The following SCNN1B variants were observed in gnomAD, a reference collection of about 807,000 sequenced individuals.
SCNN1B encodes epithelial sodium channel subunit beta.
Under a neutral mutation model 65.3 loss-of-function variants are expected in SCNN1B, and 46 were observed. The ratio of observed to expected loss-of-function variants is 0.70; its 90% CI spans 0.56 to 0.90. The LOEUF (loss-of-function observed/expected upper bound fraction) is 0.90, where lower values mean the gene tolerates loss of function less well. SCNN1B is among the 40% of genes least tolerant of loss of function. The probability of loss-of-function intolerance (pLI) is 0.00; values close to 1 mark genes in which losing one functional copy is unlikely to be tolerated. For synonymous variants in SCNN1B, 349 were observed against 330.6 expected (o/e 1.06, Z -0.60); for missense variants, 751 against 830.5 (o/e 0.90, Z 1.18).
chr16:23,341,960 G>A (rs1962063181), intron 1 of SCNN1B, among the ~76,000 whole-genome samples: 1 of 152,140 alleles, frequency 6.6e-6, no homozygotes, highest in Non-Finnish European at 1.5e-5. Context: ...ATCAGACTCA[G>A]ATCAGGAGTT....
intron 2 of SCNN1B, among the ~76,000 whole-genome samples, chr16:23,350,435 AG>A (rs1962284252): frequency 6.6e-6 from 1 of 152,168 alleles, no homozygotes; most frequent in Non-Finnish European, 1.5e-5. Context: ...AGGGTTATGG[AG>A]AGACAGGGAG....
At chr16:23,364,543 C>T (rs191551207) in intron 4 of SCNN1B, among the ~76,000 whole-genome samples, 1 of 152,300 alleles carries the variant, frequency 6.6e-6, no homozygotes, top group African/African-American at 2.4e-5. Flanking sequence ...CGTGCTCTGA[C>T]TCACAAATTT....
intron 1 of SCNN1B, among the ~76,000 whole-genome samples, chr16:23,305,213 A>C (rs182264168): frequency 1.2e-4 from 18 of 152,172 alleles, no homozygotes; most frequent in African/African-American, 4.3e-4. Flanking sequence ...AAATGAAGTG[A>C]GCTGAGGTGC....
intron 8 of SCNN1B, 137 bp downstream of exon 8, chr16:23,375,992 T>A: frequency 1.5e-6 from 1 of 659,544 alleles, no homozygotes; most frequent in Non-Finnish European, 2.8e-6. Context: ...CAGTCTGAGG[T>A]CCCTCCTATG....
chr16:23,293,735 G>A (rs574849141), intron 2 of SCNN1B, among the ~76,000 whole-genome samples: 4 of 151,540 alleles, frequency 2.6e-5, no homozygotes, highest in South Asian at 4.2e-4. Flanking sequence ...GAAATCAGCC[G>A]GGGCAACATA....
At chr16:23,320,426 T>A (rs1961563611) in intron 1 of SCNN1B, among the ~76,000 whole-genome samples, 1 of 152,156 alleles carries the variant, frequency 6.6e-6, no homozygotes, top group South Asian at 2.1e-4. Context: ...GGCCCCGCAG[T>A]CCACACAAGG....
Position 23,357,300 on chromosome 16 carries a change from G to A in SCNN1B, c.776+1811G>A, listed in dbSNP as rs529986194. ...CTCTGTCCCCTCAAAATGCACAGGT[G>A]CAACCGGACATGTGGCTCACGCCTG... On this transcript the variant is annotated intron_variant, in intron 4 of 12. Coordinates refer to ENST00000343070, the MANE Select transcript of SCNN1B (RefSeq NM_000336.3). 6.8e-4 allele frequency among the ~76,000 whole-genome samples: 104 copies of A among 152,338 alleles called. 1 individual carries two copies. Among genetic ancestry groups the A allele is most frequent in the Middle Eastern group, 6.8e-3 (2 of 294 alleles).
At chr16:23,321,730 T>C (rs2141994728) in intron 1 of SCNN1B, among the ~76,000 whole-genome samples, 1 of 152,230 alleles carries the variant, frequency 6.6e-6, no homozygotes, top group East Asian at 1.9e-4. Context: ...ATCAGCGTAA[T>C]AATAGATATT....
chr16:23,379,833 G>A (rs1963000318), intron 11 of SCNN1B, among the ~76,000 whole-genome samples: 1 of 152,198 alleles, frequency 6.6e-6, no homozygotes, highest in Non-Finnish European at 1.5e-5. Flanking sequence ...GGCCGGGAAG[G>A]GCTGCACTTG....
chr16:23,332,208 T>C (rs1279417508), intron 1 of SCNN1B, among the ~76,000 whole-genome samples: 1 of 151,676 alleles, frequency 6.6e-6, no homozygotes, highest in Admixed American at 6.6e-5. Context: ...TTTTTTTTTC[T>C]TTTTTGAGAT....
chr16:23,300,167 A>G (rs1412319385), upstream of SCNN1B, among the ~76,000 whole-genome samples: 1 of 152,086 alleles, frequency 6.6e-6, no homozygotes, highest in African/African-American at 2.4e-5. Context: ...CAGGGAGGGG[A>G]GCATCACACA....
chr16:23,356,128 C>T (rs1421493102), intron 4 of SCNN1B, among the ~76,000 whole-genome samples: 1 of 152,100 alleles, frequency 6.6e-6, no homozygotes, highest in African/African-American at 2.4e-5. Context: ...TCATTCCCAA[C>T]AGGTTGATGA....
intron 1 of SCNN1B, among the ~76,000 whole-genome samples, chr16:23,331,007 T>A (rs945699142): frequency 1.3e-5 from 2 of 152,224 alleles, no homozygotes; most frequent in Admixed American, 6.5e-5. Flanking sequence ...CAGCGTTCTT[T>A]ATCACCAGCC....
At position 23,353,093 on chromosome 16, in the gene SCNN1B, C is replaced by T. The variant is rs777207745; in HGVS notation, c.585+19C>T. ...GAGACTAGTAAGTGGTCCCTGGGCACATATCAAGCAATGGGCCCCACCCAG... is the reference window on the plus strand; with the variant it reads ...GAGACTAGTAAGTGGTCCCTGGGCATATATCAAGCAATGGGCCCCACCCAG... On this transcript the variant is annotated intron_variant, in intron 3 of 12. Coordinates refer to ENST00000343070, the MANE Select transcript of SCNN1B (RefSeq NM_000336.3). The T allele has an allele frequency of 1.7e-5, 27 of 1,613,916 alleles. No homozygotes were observed. In the South Asian group the frequency reaches 2.6e-4, roughly 16 times the overall value.
At chr16:23,356,634 A>C (rs987026932) in intron 4 of SCNN1B, among the ~76,000 whole-genome samples, 7 of 152,264 alleles carry the variant, frequency 4.6e-5, no homozygotes, top group Admixed American at 2.0e-4. Flanking sequence ...TTAAAAAAAA[A>C]AAACAAAAAA....
intron 1 of SCNN1B, among the ~76,000 whole-genome samples, chr16:23,320,026 C>T (rs1190902830): frequency 1.3e-5 from 2 of 152,152 alleles, no homozygotes; most frequent in East Asian, 1.9e-4. Context: ...AGATTACAGG[C>T]GTGAGCCACC....
intron 2 of SCNN1B, among the ~76,000 whole-genome samples, chr16:23,294,291 G>A (rs1277934158): frequency 6.6e-6 from 1 of 152,180 alleles, no homozygotes; most frequent in East Asian, 1.9e-4. Context: ...CAGCTACTCA[G>A]GAGGCTGAGA....
rs770635298 is a variant in SCNN1B at position 23,377,216 on chromosome 16, T to C, written c.1322T>C (p.Ile441Thr). The C allele has an allele frequency of 3.6e-5, 58 of 1,614,094 alleles. No individual in the cohort carries two copies. Among genetic ancestry groups the C allele is most frequent in the Non-Finnish European group, 4.6e-5 (54 of 1,180,046 alleles). ...AGCGTGGCGCAGAGAGAGACCTGCA[T>C]TGGCATGTGCAAGGAGTCCTGCAAG... ...QMSVAQRETC[I>T]GMCKESCNDT... Residue 441 changes from isoleucine (I) to threonine (T), a missense_variant, in exon 9 of 13, where the codon ATT becomes ACT. Physicochemically the swap from Ile to Thr is moderately conservative, Grantham distance 89 (BLOSUM62 -1). Transcript: ENST00000343070.
chr16:23,348,578 A>G lies in SCNN1B; in HGVS notation c.-8-14A>G, dbSNP rs182538845. ...GGTGTCCCAGCTGATGTGCGTCCCC[A>G]TGCCTCTCTGCAGGTGCCACTATGC... On this transcript the variant is annotated splice_polypyrimidine_tract_variant and intron_variant, in intron 1 of 12. Transcript: ENST00000343070. This position sits in a 1 kb window ranked among gnomAD's most constrained non-coding sequence, Gnocchi z 4.5. The G allele has an allele frequency of 1.1e-5, 18 of 1,611,802 alleles. No individual in the cohort carries two copies. Among genetic ancestry groups the G allele is most frequent in the Non-Finnish European group, 1.4e-5 (17 of 1,179,700 alleles).
Sources: allele counts gnomAD v4.1 joint callset (sites outside exome capture counted in the v4.1 genomes callset), GRCh38; gene constraint gnomAD v4.1.1; non-coding constraint Gnocchi (gnomAD v3.1); transcripts MANE v1.5; gene names NCBI Gene and HGNC (gene_info 2026-07-23, HGNC 2026-07-21).